FAM200C: variants seen among roughly 807,000 people sequenced by gnomAD.
the FAM200C span, among the ~76,000 whole-genome samples, chr5:160,398,196 C>G: frequency 6.6e-6 from 1 of 151,770 alleles, no homozygotes; most frequent in African/African-American, 2.4e-5. Context: ...GAGCTGAGAT[C>G]ATTGCAGTGA....
chr5:160,395,120 G>C, the FAM200C span: 4 of 1,613,960 alleles, frequency 2.5e-6, no homozygotes, highest in Non-Finnish European at 3.4e-6. Flanking sequence ...AACTATTTGT[G>C]CTATTTCCAG....
chr5:160,394,358 G>C, the FAM200C span: 2 of 1,613,738 alleles, frequency 1.2e-6, no homozygotes, highest in African/African-American at 1.3e-5. Context: ...GAATAAATCT[G>C]CAAGGTATGC....
the FAM200C span, among the ~76,000 whole-genome samples, chr5:160,396,948 C>T: frequency 1.3e-5 from 2 of 152,144 alleles, no homozygotes; most frequent in Non-Finnish European, 2.9e-5. Context: ...AGGCCCTACC[C>T]ATAGAGATTC....
the FAM200C span, chr5:160,395,573 AC>A: frequency 9.1e-7 from 1 of 1,093,946 alleles, no homozygotes; most frequent in Non-Finnish European, 1.4e-6. Context: ...CACATTAAAA[AC>A]CAGTGGCTAA....
the FAM200C span, among the ~76,000 whole-genome samples, chr5:160,396,306 G>T: frequency 1.3e-5 from 2 of 152,284 alleles, no homozygotes; most frequent in African/African-American, 4.8e-5. Flanking sequence ...ACCTTGAGCA[G>T]TTTTGACTCC....
At chr5:160,394,944 C>A in the FAM200C span, 1 of 1,613,460 alleles carries the variant, frequency 6.2e-7, no homozygotes, top group Non-Finnish European at 8.5e-7. Flanking sequence ...CTGCAGTCAT[C>A]CATGTCAGTT....
chr5:160,394,484 C>A, the FAM200C span: 3 of 1,613,834 alleles, frequency 1.9e-6, no homozygotes, highest in Admixed American at 5.0e-5. Context: ...TATTTGGCCT[C>A]GGGAAAGCCA....
chr5:160,398,271 T>C, the FAM200C span, among the ~76,000 whole-genome samples: 931 of 151,698 alleles, frequency 6.1e-3, 8 homozygotes, highest in African/African-American at 0.021. Context: ...AAAAAAAGGC[T>C]GGGTACGGTG....
chr5:160,394,615 A>G, the FAM200C span: 1 of 1,614,172 alleles, frequency 6.2e-7, no homozygotes, highest in Non-Finnish European at 8.5e-7. Flanking sequence ...TCACCACAGT[A>G]AACAGAGCAT....
chr5:160,393,299 T>A, the FAM200C span: 1 of 170,902 alleles, frequency 5.9e-6, no homozygotes. Flanking sequence ...AATCCTCTTC[T>A]GATTTCATTA....
chr5:160,396,222 C>T, the FAM200C span, among the ~76,000 whole-genome samples: 1 of 151,948 alleles, frequency 6.6e-6, no homozygotes, highest in Non-Finnish European at 1.5e-5. Context: ...CATTATTTAG[C>T]TACCATTTAT....
chr5:160,393,794 T>C, the FAM200C span: 1 of 1,591,924 alleles, frequency 6.3e-7, no homozygotes, highest in South Asian at 1.1e-5. Context: ...ACGGATATCA[T>C]CACTCAGATT....
the FAM200C span, chr5:160,395,360 G>A: frequency 2.5e-6 from 4 of 1,614,110 alleles, no homozygotes; most frequent in East Asian, 8.9e-5. Flanking sequence ...CAGTTTTGAT[G>A]GTCTGAGGTC....
At chr5:160,396,810 A>G in the FAM200C span, among the ~76,000 whole-genome samples, 1 of 152,168 alleles carries the variant, frequency 6.6e-6, no homozygotes, top group Non-Finnish European at 1.5e-5. Flanking sequence ...CTTAAGTAAA[A>G]TAACGAATTT....
At chr5:160,399,014 G>T in the FAM200C span, among the ~76,000 whole-genome samples, 1 of 152,120 alleles carries the variant, frequency 6.6e-6, no homozygotes, top group Non-Finnish European at 1.5e-5. Flanking sequence ...AAAGCGGGGT[G>T]GAGATAAAAG....
the FAM200C span, chr5:160,395,261 T>G: frequency 6.2e-6 from 10 of 1,614,034 alleles, no homozygotes; most frequent in East Asian, 2.2e-4. Context: ...TTTCAAGGTT[T>G]CACTCTGATC....
At chr5:160,398,999 T>C in the FAM200C span, among the ~76,000 whole-genome samples, 1 of 152,200 alleles carries the variant, frequency 6.6e-6, no homozygotes, top group Non-Finnish European at 1.5e-5. Context: ...CTCACAAACA[T>C]GCACAAAGCG....
chr5:160,399,526 C>G, the FAM200C span: 1 of 152,244 alleles, frequency 6.6e-6, no homozygotes, highest in South Asian at 2.1e-4. Flanking sequence ...GGGGCAGGAA[C>G]TTGGTGGCTG....
At chr5:160,394,157 G>A in the FAM200C span, 7 of 1,612,070 alleles carry the variant, frequency 4.3e-6, no homozygotes, top group Middle Eastern at 1.6e-4. Context: ...TGTTATTTCA[G>A]CTGCAATGAA....
Sources: allele counts gnomAD v4.1 joint callset (sites outside exome capture counted in the v4.1 genomes callset), GRCh38; gene constraint gnomAD v4.1.1; transcripts MANE v1.5.